The following PIEZO2 variants were observed in gnomAD, a reference collection of about 807,000 sequenced individuals.
PIEZO2 encodes piezo-type mechanosensitive ion channel component 2.
In PIEZO2, 172 loss-of-function variants were observed where a neutral mutation model predicts 337.3. The ratio of observed to expected loss-of-function variants is 0.51; its 90% CI spans 0.45 to 0.58. The LOEUF (loss-of-function observed/expected upper bound fraction) is 0.58. Among genes scored for constraint, PIEZO2 ranks in the 20% least tolerant of loss-of-function variants. The pLI, the probability that PIEZO2 is intolerant of heterozygous loss-of-function variation, is 0.00. For missense variants in PIEZO2, 3,028 were observed against 3,391.3 expected, an observed-to-expected ratio of 0.89 and a Z score of 2.66; for synonymous variants, 1,251 against 1,228.5, an observed-to-expected ratio of 1.02 and a Z score of -0.38.
At chr18:10,916,778 C>G (rs1279902202) in intron 3 of PIEZO2, among the ~76,000 whole-genome samples, 1 of 152,134 alleles carries the variant, frequency 6.6e-6, no homozygotes, top group Non-Finnish European at 1.5e-5. Flanking sequence ...CAGAGCGGGC[C>G]CCAAGGCGGA....
In PIEZO2 at chr18:10,833,294, G is replaced by A. The variant is rs531167014; in HGVS notation, c.917+22059C>T. Among the ~76,000 whole-genome samples, 20 of 152,190 alleles carry A rather than the reference G, an allele frequency of 1.3e-4. No individual in the cohort carries two copies. The highest frequency in any genetic ancestry group is 4.8e-4 in the African/African-American group (20 of 41,530). On this transcript the variant is annotated intron_variant, in intron 7 of 55. Transcript: ENST00000674853. This position sits in a 1 kb window ranked among gnomAD's most constrained non-coding sequence, Gnocchi z 4.7. ...CACAGAGATGAAACACAGTTCTGAC[G>A]CACTGGGATTCACTTATTTTTCCTG...
chr18:10,864,228 A>G (rs984821717), intron 5 of PIEZO2, among the ~76,000 whole-genome samples: 2 of 152,150 alleles, frequency 1.3e-5, no homozygotes, highest in African/African-American at 4.8e-5. Flanking sequence ...TGTCTCCTCC[A>G]TCTATCCCTC....
At chr18:10,892,279 A>G (rs1020215565) in intron 4 of PIEZO2, among the ~76,000 whole-genome samples, 1 of 152,192 alleles carries the variant, frequency 6.6e-6, no homozygotes, top group Non-Finnish European at 1.5e-5. Context: ...TATTATTTAT[A>G]AATAAAAATT....
chr18:11,013,391 A>G (rs2035973712), intron 2 of PIEZO2, among the ~76,000 whole-genome samples: 1 of 152,210 alleles, frequency 6.6e-6, no homozygotes, highest in South Asian at 2.1e-4. Flanking sequence ...CCTTGACTTT[A>G]GCTCATTTCA....
chr18:10,761,195 A>G (rs1308884665), intron 23 of PIEZO2, 84 bp from the exon 24 acceptor site: 11 of 1,198,854 alleles, frequency 9.2e-6, no homozygotes, highest in Non-Finnish European at 1.2e-5. Flanking sequence ...CTGCACAGCT[A>G]CAAGGACAAT....
intron 4 of PIEZO2, among the ~76,000 whole-genome samples, chr18:10,907,134 G>C (rs2030013447): frequency 1.3e-5 from 2 of 152,122 alleles, no homozygotes; most frequent in South Asian, 4.1e-4. Flanking sequence ...CATAAGAACA[G>C]CATTAATCAT....
Position 10,824,458 on chromosome 18 carries a change from C to T in PIEZO2, c.918-17184G>A, listed in dbSNP as rs984578478. Among the ~76,000 whole-genome samples the T allele has an allele frequency of 2.6e-5, 4 of 151,930 alleles. No individual in the cohort carries two copies. The highest frequency in any genetic ancestry group is 9.7e-5 in the African/African-American group (4 of 41,356). On this transcript the variant is annotated intron_variant, in intron 7 of 55. Transcript: ENST00000674853. This position sits in a 1 kb window ranked among gnomAD's most constrained non-coding sequence, Gnocchi z 4.4. ...ATGTTTATTTAAGGATATTTGTTGG[C>T]TATGAACAGTAATAGTGCAAAGCTA...
chr18:10,824,954 C>T lies in PIEZO2; in HGVS notation c.918-17680G>A, dbSNP rs2040624542. On this transcript the variant is annotated intron_variant, in intron 7 of 55. Transcript: ENST00000674853. The surrounding 1 kb of genome is among the most constrained non-coding windows in gnomAD (Gnocchi z 4.4). ...TCTTGGCTCACTGCAACCTCCACTT[C>T]CTGGGTCCAAGTGATTCTCCTGCCT... 6.6e-6 allele frequency among the ~76,000 whole-genome samples: 1 copy of T among 152,176 alleles called. No individual in the cohort carries two copies.
intron 36 of PIEZO2, among the ~76,000 whole-genome samples, chr18:10,721,922 G>A (rs185278512): frequency 1.3e-5 from 2 of 152,080 alleles, no homozygotes; most frequent in African/African-American, 2.4e-5. Context: ...TTGGGAGACC[G>A]AGGTGGGAGG....
At chr18:10,743,800 T>A (rs540746298) in intron 31 of PIEZO2, among the ~76,000 whole-genome samples, 1 of 152,292 alleles carries the variant, frequency 6.6e-6, no homozygotes, top group East Asian at 1.9e-4. Flanking sequence ...GAAGGCAGAA[T>A]TGTGAGCCCT....
Position 10,684,130 on chromosome 18 carries a change from CTCTCTTTCTT to C in PIEZO2, c.7498-1848_7498-1839del, listed in dbSNP as rs1223256460. ...TCTCTTTCTTTCTTTCTTTCTCTCT[CTCTCTTTCTT>C]TCTCTGTCTTTCCTCTTTTTTTTTT... On this transcript the variant is annotated intron_variant, in intron 49 of 55. Transcript: ENST00000674853. Among the ~76,000 whole-genome samples, 1,058 of 120,236 alleles carry C rather than the reference CTCTCTTTCTT, an allele frequency of 8.8e-3. 23 individuals carry two copies. Among genetic ancestry groups the C allele is most frequent in the African/African-American group, 0.031 (993 of 32,374 alleles). 78.9% of individuals were successfully genotyped at this position (120,236 alleles called of 152,430 possible). A position where few individuals can be genotyped will look rare whatever the true frequency, so the allele number is the denominator to read the frequency against.
intron 48 of PIEZO2, 36 bp downstream of exon 48, chr18:10,691,189 C>T (rs370847616): frequency 2.1e-5 from 33 of 1,599,030 alleles, no homozygotes; most frequent in Non-Finnish European, 2.6e-5. Context: ...GCTATTCTTC[C>T]CCCATAAGTG....
chr18:11,127,691 T>C lies in PIEZO2; in HGVS notation c.64+20834A>G, dbSNP rs919572403. Among the ~76,000 whole-genome samples, 3 of 151,696 alleles carry C rather than the reference T, an allele frequency of 2.0e-5. No individual in the cohort carries two copies. Among genetic ancestry groups the C allele is most frequent in the South Asian group, 2.1e-4 (1 of 4,800 alleles). On this transcript the variant is annotated intron_variant, in intron 1 of 55. Transcript: ENST00000674853. The surrounding 1 kb of genome is among the most constrained non-coding windows in gnomAD (Gnocchi z 4.5). ...TACTTAATAAACTCCCCTTTATATA[T>C]ATATACATATATATGTCATGTATAT...
intron 2 of PIEZO2, among the ~76,000 whole-genome samples, chr18:10,983,902 A>G (rs1347149094): frequency 6.6e-6 from 1 of 152,126 alleles, no homozygotes; most frequent in African/African-American, 2.4e-5. Context: ...TATAAATTGA[A>G]TGCTATCAGT....
intron 36 of PIEZO2, among the ~76,000 whole-genome samples, chr18:10,729,368 GT>G (rs2036671243): frequency 6.6e-6 from 1 of 152,132 alleles, no homozygotes; most frequent in Non-Finnish European, 1.5e-5. Flanking sequence ...GCTCACGCCT[GT>G]AATCCCAGCA....
intron 28 of PIEZO2, among the ~76,000 whole-genome samples, chr18:10,751,972 C>G (rs552244131): frequency 6.6e-6 from 1 of 152,098 alleles, no homozygotes; most frequent in Non-Finnish European, 1.5e-5. Flanking sequence ...GCAGAGCAGC[C>G]AAGCTTCGTC....
At chr18:10,907,320 G>A (rs2030033606) in intron 4 of PIEZO2, among the ~76,000 whole-genome samples, 1 of 151,960 alleles carries the variant, frequency 6.6e-6, no homozygotes, top group Non-Finnish European at 1.5e-5. Context: ...GCGGGTGCAT[G>A]TAATCTCAGC....
Position 10,980,627 on chromosome 18 carries a change from C to T in PIEZO2, c.161-967G>A, listed in dbSNP as rs527908360. On this transcript the variant is annotated intron_variant, in intron 2 of 55. Transcript: ENST00000674853. The surrounding 1 kb of genome is among the most constrained non-coding windows in gnomAD (Gnocchi z 4.8). ...TATATATCATCATCAACAGAGAACGCCAAACTAACTCCATGACCAACTATC... is the reference window on the plus strand; with the variant it reads ...TATATATCATCATCAACAGAGAACGTCAAACTAACTCCATGACCAACTATC... 2.7e-4 allele frequency among the ~76,000 whole-genome samples: 41 copies of T among 152,030 alleles called. No homozygotes were observed. Among genetic ancestry groups the T allele is most frequent in the Non-Finnish European group, 4.7e-4 (32 of 67,998 alleles).
At position 10,920,284 on chromosome 18, in the gene PIEZO2, G is replaced by A. The variant is rs115646267; in HGVS notation, c.287-9056C>T. On this transcript the variant is annotated intron_variant, in intron 3 of 55. Coordinates refer to ENST00000674853, the MANE Select transcript of PIEZO2 (RefSeq NM_001378183.1). Reference sequence around the variant, plus strand: ...GGCAGTAAGAGAGAGTGTGCATAGCGTGTGTGTTGGGAATCATAGAAAGAA... The same window carrying A: ...GGCAGTAAGAGAGAGTGTGCATAGCATGTGTGTTGGGAATCATAGAAAGAA... Among the ~76,000 whole-genome samples the A allele has an allele frequency of 3.3e-3, 504 of 152,144 alleles. 3 individuals carry two copies. Among genetic ancestry groups the A allele is most frequent in the African/African-American group, 0.011 (471 of 41,510 alleles).
Sources: allele counts gnomAD v4.1 joint callset (sites outside exome capture counted in the v4.1 genomes callset), GRCh38; gene constraint gnomAD v4.1.1; non-coding constraint Gnocchi (gnomAD v3.1); transcripts MANE v1.5; gene names NCBI Gene and HGNC (gene_info 2026-07-23, HGNC 2026-07-21).